Variants in RNF13 observed in about 807,000 individuals in gnomAD.
The protein encoded by RNF13 is E3 ubiquitin-protein ligase RNF13.
Under a neutral mutation model 37.7 loss-of-function variants are expected in RNF13, and 19 were observed. That is an observed-to-expected ratio of 0.50 (90% confidence interval 0.35 to 0.74). RNF13 has a LOEUF of 0.74. RNF13 is among the 30% of genes least tolerant of loss of function. The pLI is 0.01. For missense variants in RNF13, 375 were observed against 453.0 expected (o/e 0.83, Z 1.56); for synonymous variants, 144 against 157.8 (o/e 0.91, Z 0.65).
At chr3:149,823,691 A>T (rs1388950877) in intron 1 of RNF13, among the ~76,000 whole-genome samples, 1 of 152,216 alleles carries the variant, frequency 6.6e-6, no homozygotes, top group African/African-American at 2.4e-5. Flanking sequence ...CATAGTGGTT[A>T]TGAAGAGTTT....
chr3:149,933,188 C>T (rs532766024), intron 8 of RNF13, among the ~76,000 whole-genome samples: 21 of 152,034 alleles, frequency 1.4e-4, no homozygotes, highest in African/African-American at 4.8e-4. Context: ...GCAGAGGCTC[C>T]GCAGGCCTGA....
At chr3:149,862,766 C>T (rs187254844) in intron 3 of RNF13, among the ~76,000 whole-genome samples, 61 of 152,222 alleles carry the variant, frequency 4.0e-4, no homozygotes, top group Admixed American at 1.3e-3. Flanking sequence ...TGCCAATTCA[C>T]ACTCATCAAA....
chr3:149,816,027 G>A (rs1363366341), intron 1 of RNF13, among the ~76,000 whole-genome samples: 11 of 151,738 alleles, frequency 7.2e-5, no homozygotes, highest in Non-Finnish European at 8.8e-5. Flanking sequence ...CAAGTAGCTG[G>A]GACTACAGTC....
At chr3:149,815,401 T>C (rs925843823) in intron 1 of RNF13, among the ~76,000 whole-genome samples, 16 of 152,352 alleles carry the variant, frequency 1.1e-4, no homozygotes, top group South Asian at 8.3e-4. Context: ...GGCATTTAAA[T>C]AACAATATTT....
intron 8 of RNF13, among the ~76,000 whole-genome samples, chr3:149,932,947 C>A (rs1719309903): frequency 6.6e-6 from 1 of 152,264 alleles, no homozygotes. Context: ...CTGGGACAGA[C>A]TTCTGCCTGG....
chr3:149,909,212 A>G (rs1454635668), intron 6 of RNF13, among the ~76,000 whole-genome samples: 1 of 151,842 alleles, frequency 6.6e-6, no homozygotes, highest in East Asian at 1.9e-4. Context: ...ACTGTTAGCA[A>G]TTTGGTTAAG....
intron 4 of RNF13, among the ~76,000 whole-genome samples, chr3:149,881,995 C>T (rs9864069): frequency 0.69 from 104,484 of 151,878 alleles, 36,715 homozygotes; most frequent in East Asian, 0.9. Flanking sequence ...GAATTCTTAT[C>T]GGGTTTAGTT....
chr3:149,906,900 G>A (rs143279990), intron 6 of RNF13, among the ~76,000 whole-genome samples: 1 of 152,032 alleles, frequency 6.6e-6, no homozygotes, highest in East Asian at 1.9e-4. Context: ...CAATCTGTCC[G>A]CCTCAGCTCC....
intron 4 of RNF13, among the ~76,000 whole-genome samples, chr3:149,889,547 C>G (rs1714460127): frequency 6.6e-6 from 1 of 151,214 alleles, no homozygotes; most frequent in South Asian, 2.1e-4. Context: ...TCGTGATCTG[C>G]CCGACTCAGC....
intron 6 of RNF13, among the ~76,000 whole-genome samples, chr3:149,907,902 A>ATTTTTTTGATT (rs1440354020): frequency 6.6e-6 from 1 of 152,252 alleles, no homozygotes; most frequent in Non-Finnish European, 1.5e-5. Flanking sequence ...ATTAAGGAGA[A>ATTTTTTTGATT]ACAGTTTTAA....
chr3:149,860,306 G>GTA (rs1443956532), intron 3 of RNF13, among the ~76,000 whole-genome samples: 1 of 131,422 alleles, frequency 7.6e-6, no homozygotes, highest in Non-Finnish European at 1.6e-5. Flanking sequence ...TATATAACGT[G>GTA]TATATATAAT....
intron 4 of RNF13, among the ~76,000 whole-genome samples, chr3:149,880,054 A>C (rs192183074): frequency 6.3e-4 from 96 of 152,318 alleles, no homozygotes; most frequent in African/African-American, 2.1e-3. Context: ...GTAATGGAGG[A>C]GTATACTCAG....
chr3:149,907,463 A>T lies in RNF13; in HGVS notation c.501-4515A>T, dbSNP rs140114073. Among the ~76,000 whole-genome samples, 9 of 152,326 alleles carry T rather than the reference A, an allele frequency of 5.9e-5. No individual in the cohort carries two copies. In the East Asian group the frequency reaches 1.5e-3, roughly 26 times the overall value. ...ACTCTTTTAACTACTTTTAAAAAGGATGGTATATTCTGGATTTAACAATAG... is the reference window on the plus strand; with the variant it reads ...ACTCTTTTAACTACTTTTAAAAAGGTTGGTATATTCTGGATTTAACAATAG... On this transcript the variant is annotated intron_variant, in intron 6 of 9. Coordinates refer to ENST00000392894, the MANE Select transcript of RNF13 (RefSeq NM_183381.3).
intron 4 of RNF13, among the ~76,000 whole-genome samples, chr3:149,873,855 A>G (rs563879538): frequency 1.3e-5 from 2 of 151,996 alleles, no homozygotes; most frequent in Non-Finnish European, 2.9e-5. Flanking sequence ...TATATATCTC[A>G]CTTATTTGTG....
chr3:149,853,950 C>T (rs1723397849), intron 3 of RNF13, among the ~76,000 whole-genome samples: 2 of 151,666 alleles, frequency 1.3e-5, no homozygotes, highest in East Asian at 1.9e-4. Flanking sequence ...GATCCTCCCA[C>T]CTCAACCTCC....
At chr3:149,823,901 A>G (rs183845437) in intron 1 of RNF13, among the ~76,000 whole-genome samples, 50 of 152,314 alleles carry the variant, frequency 3.3e-4, no homozygotes, top group Middle Eastern at 6.8e-3. Context: ...GTTATTTGAG[A>G]GAAAGTTGTT....
rs754163282 is a variant in RNF13 at position 149,837,114 on chromosome 3, T to C, written c.-16-8897T>C. On this transcript the variant is annotated intron_variant, in intron 1 of 9. Coordinates refer to ENST00000392894, the MANE Select transcript of RNF13 (RefSeq NM_183381.3). ...GTTAATGTTACTGAACTGTATACTT[T>C]AAAATTTTTTATATGGTAAATTTTA... 2.0e-5 allele frequency among the ~76,000 whole-genome samples: 3 copies of C among 152,238 alleles called. No individual in the cohort carries two copies. The South Asian group carries it at 6.2e-4, about 31-fold the overall frequency.
chr3:149,900,267 C>A (rs1715681738), intron 5 of RNF13, among the ~76,000 whole-genome samples: 1 of 152,016 alleles, frequency 6.6e-6, no homozygotes, highest in African/African-American at 2.4e-5. Flanking sequence ...GTCATAGTAT[C>A]TTCATGAAAG....
intron 8 of RNF13, among the ~76,000 whole-genome samples, chr3:149,928,428 C>T (rs922252939): frequency 3.9e-5 from 6 of 152,036 alleles, no homozygotes; most frequent in African/African-American, 1.2e-4. Context: ...GTTGAAGAGA[C>T]TGTTTTCTCA....
Sources: allele counts gnomAD v4.1 joint callset (sites outside exome capture counted in the v4.1 genomes callset), GRCh38; gene constraint gnomAD v4.1.1; transcripts MANE v1.5; gene names NCBI Gene and HGNC (gene_info 2026-07-23, HGNC 2026-07-21).